AXDND1: variants seen among roughly 807,000 people sequenced by gnomAD.
AXDND1 encodes axonemal dynein light chain domain containing 1, also known as axonemal dynein light chain domain-containing protein 1.
In AXDND1, 110 loss-of-function variants were observed where a neutral mutation model predicts 137.5. The ratio of observed to expected loss-of-function variants is 0.80; its 90% confidence interval spans 0.69 to 0.94. AXDND1 has a LOEUF of 0.94. Among genes scored for constraint, AXDND1 ranks in the 40% least tolerant of loss-of-function variants. The pLI, the probability that AXDND1 is intolerant of heterozygous loss-of-function variation, is 0.00. For synonymous variants in AXDND1, 414 were observed against 399.7 expected (o/e 1.04, Z -0.43); for missense variants, 1,191 against 1,169.8 (o/e 1.02, Z -0.26).
Position 179,468,548 on chromosome 1 carries a change from TA to T in AXDND1, c.1905del (p.Ile635MetfsTer8). 4 of 1,612,736 alleles carry T rather than the reference TA, an allele frequency of 2.5e-6. No homozygotes were observed. Among genetic ancestry groups the T allele is most frequent in the Middle Eastern group, 1.7e-4 (1 of 5,840 alleles). On this transcript the variant is annotated frameshift_variant, in exon 17 of 26. Coordinates refer to ENST00000367618, the MANE Select transcript of AXDND1 (RefSeq NM_144696.6). LOFTEE classifies it high-confidence loss of function. ...ACGCCTCTTGAAGAATGGCAGGAAA[TA>T]GATGAAAAAATTAATGAAATGAAAT... Reference protein sequence around the residue: ...PDTPLEEWQEIDEKINEMKSH... With the variant: ...PDTPLEEWQEXDEKINEMKSH...
Position 179,385,334 on chromosome 1 carries a change from AGAG to A in AXDND1, c.842_844del (p.Gly281del). The A allele has an allele frequency of 2.5e-6, 4 of 1,614,086 alleles. No homozygotes were observed. Among genetic ancestry groups the A allele is most frequent in the South Asian group, 2.2e-5 (2 of 91,086 alleles). ...ACAAGTCAGTGTGGACTGTGCAGAC[AGAG>A]GAGAACTTCTGTCTAAAGTCAGGTT... On this transcript the variant is annotated inframe_deletion, in exon 9 of 26. Transcript: ENST00000367618.
At chr1:179,537,841 A>G (rs1241904971) in intron 25 of AXDND1, among the ~76,000 whole-genome samples, 3 of 152,110 alleles carry the variant, frequency 2.0e-5, no homozygotes, top group Non-Finnish European at 4.4e-5. Context: ...TTTGGTTGGT[A>G]GGCTATTAAT....
intron 2 of AXDND1, among the ~76,000 whole-genome samples, chr1:179,366,818 T>G (rs1373247968): frequency 6.6e-6 from 1 of 152,238 alleles, no homozygotes; most frequent in African/African-American, 2.4e-5. Flanking sequence ...CAGTTTATAC[T>G]TTTTTTCAAA....
Position 179,488,590 on chromosome 1 carries a change from CTTTCTTTCTTTCTT to C in AXDND1, c.2092-2932_2092-2919del, listed in dbSNP as rs1300488284. 9.4e-5 allele frequency among the ~76,000 whole-genome samples: 4 copies of C among 42,530 alleles called. No individual in the cohort carries two copies. The East Asian group carries it at 8.6e-3, about 91-fold the overall frequency. The allele number at this position is 42,530 out of a possible 152,430, so 27.9% of individuals were successfully genotyped here. A position where few individuals can be genotyped will look rare whatever the true frequency, so the allele number is the denominator to read the frequency against. Reference sequence around the variant, plus strand: ...CTGATCTATCTTTCTTTCTCTCTCTCTTTCTTTCTTTCTTTTTCTTTCTTTCTTTCTCTCTCTCT... The same window carrying C: ...CTGATCTATCTTTCTTTCTCTCTCTCTTTCTTTCTTTCTTTCTCTCTCTCT... On this transcript the variant is annotated intron_variant, in intron 18 of 25. Transcript: ENST00000367618.
At chr1:179,512,019 GT>G (rs1669107633) in intron 21 of AXDND1, among the ~76,000 whole-genome samples, 1 of 152,104 alleles carries the variant, frequency 6.6e-6, no homozygotes, top group South Asian at 2.1e-4. Flanking sequence ...TGCGTTGTCT[GT>G]TTACTCTGCT....
chr1:179,387,152 T>C (rs1266574443), intron 9 of AXDND1, among the ~76,000 whole-genome samples: 2 of 152,216 alleles, frequency 1.3e-5, no homozygotes, highest in African/African-American at 4.8e-5. Flanking sequence ...TGTGTTTTCC[T>C]GCTTCTTTAC....
Position 179,366,554 on chromosome 1 carries a change from A to G in AXDND1, c.45A>G (p.Ser15=), listed in dbSNP as rs1667427853. Residue 15 remains serine, a synonymous_variant, in exon 2 of 26, where the codon TCA becomes TCG. Transcript: ENST00000367618. The part of the protein sequence containing the change: ...KTPSTPLNST[S]TSESKKLKVS... Reference sequence around the variant, plus strand: ...CCTCCACCCCGCTAAACTCTACATCAACATCTGAGAGCAAAAAGTTAAAAG... The same window carrying G: ...CCTCCACCCCGCTAAACTCTACATCGACATCTGAGAGCAAAAAGTTAAAAG... 6.2e-7 allele frequency: 1 copy of G among 1,613,716 alleles called. No individual in the cohort carries two copies. The highest frequency in any genetic ancestry group is 1.1e-5 in the South Asian group (1 of 91,080).
intron 4 of AXDND1, among the ~76,000 whole-genome samples, chr1:179,375,846 C>T (rs1668569373): frequency 6.6e-6 from 1 of 152,118 alleles, no homozygotes; most frequent in African/African-American, 2.4e-5. Flanking sequence ...TGTACATATC[C>T]AAGAGAACCA....
At chr1:179,489,049 T>C (rs1253269309) in intron 18 of AXDND1, among the ~76,000 whole-genome samples, 2 of 137,968 alleles carry the variant, frequency 1.4e-5, no homozygotes, top group Admixed American at 1.4e-4. Context: ...TTTCTTAATA[T>C]CAGCTAAGAA....
intron 25 of AXDND1, among the ~76,000 whole-genome samples, chr1:179,547,667 C>G (rs1412512644): frequency 6.6e-6 from 1 of 152,148 alleles, no homozygotes; most frequent in Non-Finnish European, 1.5e-5. Flanking sequence ...CCCACGAGCA[C>G]CTGACCTGGC....
chr1:179,368,558 C>G (rs944973630), intron 2 of AXDND1, among the ~76,000 whole-genome samples: 3 of 152,148 alleles, frequency 2.0e-5, no homozygotes, highest in Non-Finnish European at 2.9e-5. Flanking sequence ...GCAGGTTCAT[C>G]TTGGTACCTG....
In AXDND1 at chr1:179,533,794, G is replaced by A. The variant is rs1558312824; in HGVS notation, c.2716-1G>A. ...TTCATATCTCATATTTCCTCTGTCA[G>A]AGAGAGTCAGCTAAGCAAGGTACAT... On this transcript the variant is annotated splice_acceptor_variant, in intron 23 of 25. Transcript: ENST00000367618. LOFTEE classifies it high-confidence loss of function. 5.0e-6 allele frequency: 8 copies of A among 1,607,790 alleles called. No homozygotes were observed. Among genetic ancestry groups the A allele is most frequent in the Non-Finnish European group, 6.0e-6 (7 of 1,174,824 alleles).
chr1:179,447,567 A>AATACAT, intron 16 of AXDND1: 2 of 928,386 alleles, frequency 2.2e-6, no homozygotes, highest in Non-Finnish European at 3.2e-6. Flanking sequence ...CATGTTTTAA[A>AATACAT]GAATGAAGTT....
At chr1:179,470,632 C>T (rs1663802875) in intron 17 of AXDND1, among the ~76,000 whole-genome samples, 2 of 152,118 alleles carry the variant, frequency 1.3e-5, no homozygotes, top group African/African-American at 4.8e-5. Context: ...ATTGATCTTA[C>T]ATCCCAAAAC....
chr1:179,412,980 A>C (rs1322032946), intron 12 of AXDND1, among the ~76,000 whole-genome samples: 1 of 152,160 alleles, frequency 6.6e-6, no homozygotes, highest in Non-Finnish European at 1.5e-5. Context: ...TTAGAGTTTA[A>C]TCATAAATAG....
At chr1:179,403,659 C>T (rs549531745) in intron 11 of AXDND1, among the ~76,000 whole-genome samples, 55 of 152,198 alleles carry the variant, frequency 3.6e-4, no homozygotes, top group African/African-American at 1.2e-3. Context: ...CTGCAGCCTC[C>T]GCCTCCTGAA....
intron 25 of AXDND1, among the ~76,000 whole-genome samples, chr1:179,538,483 T>C (rs1165618238): frequency 1.3e-5 from 2 of 152,224 alleles, no homozygotes. Context: ...TTGTTCAGTT[T>C]CCATGTTGTT....
intron 16 of AXDND1, chr1:179,448,785 T>C (rs975334022): frequency 8.6e-5 from 14 of 163,070 alleles, no homozygotes; most frequent in Non-Finnish European, 1.9e-4. Context: ...GTGTCATATC[T>C]AAGAATCCTT....
intron 18 of AXDND1, among the ~76,000 whole-genome samples, chr1:179,490,787 C>T (rs1327159114): frequency 6.7e-6 from 1 of 149,878 alleles, no homozygotes; most frequent in Non-Finnish European, 1.5e-5. Flanking sequence ...ATCACACAAC[C>T]ACCAATCAAA....
Sources: allele counts gnomAD v4.1 joint callset (sites outside exome capture counted in the v4.1 genomes callset), GRCh38; gene constraint gnomAD v4.1.1; transcripts MANE v1.5; gene names NCBI Gene and HGNC (gene_info 2026-07-23, HGNC 2026-07-21).